RPTOR: variants seen among roughly 807,000 people sequenced by gnomAD.
The protein encoded by RPTOR is regulatory-associated protein of mTOR.
A neutral mutation model predicts 169.9 loss-of-function variants in RPTOR; 21 were observed. The observed-to-expected ratio is 0.12, with a 90% confidence interval of 0.09 to 0.18. The LOEUF (loss-of-function observed/expected upper bound fraction) is 0.18. Among genes scored for constraint, RPTOR ranks in the 10% least tolerant of loss-of-function variants. RPTOR has a pLI of 1.00. For missense variants in RPTOR, 1,133 were observed against 1,855.9 expected, an observed-to-expected ratio of 0.61 and a Z score of 7.16; for synonymous variants, 732 against 753.2, an observed-to-expected ratio of 0.97 and a Z score of 0.46.
intron 1 of RPTOR, among the ~76,000 whole-genome samples, chr17:80,611,649 A>G (rs1486184028): frequency 6.6e-6 from 1 of 152,090 alleles, no homozygotes; most frequent in African/African-American, 2.4e-5. Context: ...TCTAACCATA[A>G]TACCAATATC....
At position 80,960,954 on chromosome 17, in the gene RPTOR, T is replaced by C. The variant is rs755538344; in HGVS notation, c.3606-440T>C. ...CAGAGCGAGGATTCCCAGAAGGTCC[T>C]TGTGCCTCCAGCTTCATCAGCTTTA... is the stretch of plus-strand genomic sequence containing the variant. On this transcript the variant is annotated intron_variant, in intron 30 of 33. Coordinates refer to ENST00000306801, the MANE Select transcript of RPTOR (RefSeq NM_020761.3). The surrounding 1 kb of genome is among the most constrained non-coding windows in gnomAD (Gnocchi z 4.8). 3.9e-5 allele frequency: 7 copies of C among 181,206 alleles called. No individual in the cohort carries two copies. The highest frequency in any genetic ancestry group is 8.1e-5 in the Non-Finnish European group (7 of 86,084). The allele number at this position is 181,206 out of a possible 1,614,324, so 11.2% of individuals were successfully genotyped here.
chr17:80,866,942 G>A (rs117072371), intron 13 of RPTOR, among the ~76,000 whole-genome samples: 3,263 of 152,220 alleles, frequency 0.021, 59 homozygotes, highest in Non-Finnish European at 0.034. Flanking sequence ...AGATGACTTC[G>A]CCAGTGAATT....
intron 10 of RPTOR, among the ~76,000 whole-genome samples, chr17:80,841,453 ACTCT>A (rs1377922013): frequency 8.8e-6 from 1 of 114,254 alleles, no homozygotes; most frequent in South Asian, 3.3e-4. Flanking sequence ...ACGGCAGCTC[ACTCT>A]CACCACACGG....
intron 27 of RPTOR, among the ~76,000 whole-genome samples, chr17:80,948,922 G>A (rs1047510233): frequency 1.3e-5 from 2 of 152,206 alleles, no homozygotes; most frequent in African/African-American, 2.4e-5. Context: ...GAGCCCAGAC[G>A]TCTGCATTGT....
intron 20 of RPTOR, among the ~76,000 whole-genome samples, chr17:80,900,699 C>T (rs1372051400): frequency 3.3e-5 from 5 of 152,224 alleles, no homozygotes; most frequent in South Asian, 2.1e-4. Flanking sequence ...CTGGTGGCCC[C>T]GCCACCCTAC....
At chr17:80,650,309 G>C (rs2065630073) in intron 3 of RPTOR, among the ~76,000 whole-genome samples, 1 of 152,242 alleles carries the variant, frequency 6.6e-6, no homozygotes, top group African/African-American at 2.4e-5. Flanking sequence ...GTTGACTAGA[G>C]TGGGTTGCAG....
At position 80,763,009 on chromosome 17, in the gene RPTOR, GTC is replaced by G. The variant is rs550330109; in HGVS notation, c.830+8828_830+8829del. Among the ~76,000 whole-genome samples, 125 of 152,328 alleles carry G rather than the reference GTC, an allele frequency of 8.2e-4. 1 individual carries two copies. The highest frequency in any genetic ancestry group is 2.9e-3 in the African/African-American group (119 of 41,574). ...TGTTGGTTAAAATCATGATACAGCAGTCTCTTGTCCATGAGACACAGATTTAA... is the reference window on the plus strand; with the variant it reads ...TGTTGGTTAAAATCATGATACAGCAGTCTTGTCCATGAGACACAGATTTAA... On this transcript the variant is annotated intron_variant, in intron 6 of 33. Transcript: ENST00000306801.
intron 1 of RPTOR, among the ~76,000 whole-genome samples, chr17:80,559,273 G>A (rs930452399): frequency 2.0e-5 from 3 of 152,284 alleles, no homozygotes; most frequent in Admixed American, 6.5e-5. Flanking sequence ...AGGAGCACAC[G>A]ACGGTGCTTT....
intron 24 of RPTOR, among the ~76,000 whole-genome samples, chr17:80,925,755 C>T (rs975145188): frequency 2.6e-5 from 4 of 152,216 alleles, no homozygotes; most frequent in African/African-American, 9.6e-5. Context: ...CTTCCCACTC[C>T]CTAATGGTGA....
At chr17:80,812,573 C>G (rs1032381690) in intron 7 of RPTOR, among the ~76,000 whole-genome samples, 1 of 152,144 alleles carries the variant, frequency 6.6e-6, no homozygotes, top group Non-Finnish European at 1.5e-5. Context: ...ACTCAGCGTC[C>G]CTGCTGCTGG....
At chr17:80,846,127 C>T (rs770778725) in intron 10 of RPTOR, among the ~76,000 whole-genome samples, 15 of 152,256 alleles carry the variant, frequency 9.9e-5, no homozygotes, top group Non-Finnish European at 1.9e-4. Context: ...CCCCTGCCCC[C>T]GGCATCTTCA....
At chr17:80,906,225 TGAG>T (rs779154484) in intron 20 of RPTOR, among the ~76,000 whole-genome samples, 5 of 149,332 alleles carry the variant, frequency 3.3e-5, no homozygotes, top group Non-Finnish European at 7.4e-5. Context: ...AAAAAAAAAA[TGAG>T]GACGCAGCCA....
chr17:80,867,041 G>A (rs1467383662), intron 13 of RPTOR, among the ~76,000 whole-genome samples: 4 of 152,120 alleles, frequency 2.6e-5, no homozygotes, highest in African/African-American at 9.7e-5. Flanking sequence ...GATACCAAAG[G>A]TTAGACACAC....
chr17:80,574,467 G>GT (rs970253585), intron 1 of RPTOR, among the ~76,000 whole-genome samples: 43 of 148,292 alleles, frequency 2.9e-4, no homozygotes, highest in South Asian at 6.4e-4. Flanking sequence ...CGCCCGGCCG[G>GT]TTTTTTTTTT....
intron 6 of RPTOR, among the ~76,000 whole-genome samples, chr17:80,789,050 G>T (rs1224139173): frequency 1.3e-5 from 2 of 152,202 alleles, no homozygotes; most frequent in Non-Finnish European, 2.9e-5. Context: ...CTATAATAAA[G>T]TTGCATGATA....
intron 6 of RPTOR, among the ~76,000 whole-genome samples, chr17:80,757,472 C>T (rs2066692199): frequency 6.6e-6 from 1 of 152,132 alleles, no homozygotes; most frequent in Admixed American, 6.6e-5. Context: ...TACAGTGTGC[C>T]TACCTCTATT....
At chr17:80,921,620 A>G (rs1461315965) in intron 21 of RPTOR, among the ~76,000 whole-genome samples, 5 of 152,244 alleles carry the variant, frequency 3.3e-5, no homozygotes, top group Non-Finnish European at 7.3e-5. Flanking sequence ...CCTGAATGCC[A>G]GGGCTCAAGC....
At chr17:80,963,441 C>T (rs1467567149) in intron 33 of RPTOR, among the ~76,000 whole-genome samples, 2 of 110,178 alleles carry the variant, frequency 1.8e-5, no homozygotes, top group African/African-American at 6.9e-5. Context: ...GCCCTCACCC[C>T]GTCCCCTCTG....
At chr17:80,663,029 C>G (rs370744855) in intron 3 of RPTOR, among the ~76,000 whole-genome samples, 92 of 152,252 alleles carry the variant, frequency 6.0e-4, no homozygotes, top group African/African-American at 2.0e-3. Context: ...GCCCAGGTGG[C>G]CTCACTTATT....
Sources: gnomAD v4.1 joint callset for allele counts (sites outside exome capture counted in the v4.1 genomes callset) on GRCh38, gnomAD v4.1.1 for gene constraint, Gnocchi (gnomAD v3.1) non-coding constraint, MANE v1.5 for transcripts, NCBI Gene and HGNC (gene_info 2026-07-23, HGNC 2026-07-21) for gene names.